The following NALF1 variants were observed in gnomAD, a reference collection of about 807,000 sequenced individuals.
NALF1 encodes family with sequence similarity 155 member A.
In NALF1, 3 loss-of-function variants were observed where a neutral mutation model predicts 48.4. The observed-to-expected ratio is 0.06, with a 90% CI of 0.03 to 0.16. The LOEUF (loss-of-function observed/expected upper bound fraction) is 0.16. Among genes scored for constraint, NALF1 ranks in the 10% least tolerant of loss-of-function variants. The pLI is 1.00. For missense variants in NALF1, 526 were observed against 571.5 expected (o/e 0.92, Z 0.81); for synonymous variants, 262 against 245.7 (o/e 1.07, Z -0.62).
chr13:107,277,003 T>G (rs1881294874), intron 1 of NALF1, among the ~76,000 whole-genome samples: 1 of 152,262 alleles, frequency 6.6e-6, no homozygotes, highest in South Asian at 2.1e-4. Flanking sequence ...AAAATTACCT[T>G]TCTCCTAAAC....
At chr13:107,270,290 A>G (rs529757255) in intron 1 of NALF1, among the ~76,000 whole-genome samples, 1 of 152,298 alleles carries the variant, frequency 6.6e-6, no homozygotes, top group Non-Finnish European at 1.5e-5. Flanking sequence ...GACCAATTTT[A>G]CTGCAATCTC....
At chr13:107,615,542 T>C (rs1019777532) in intron 1 of NALF1, among the ~76,000 whole-genome samples, 42 of 152,290 alleles carry the variant, frequency 2.8e-4, no homozygotes, top group Admixed American at 2.6e-3. Context: ...TGCCAAAATA[T>C]TGATCCCCTT....
At chr13:107,206,519 A>G (rs1879646936) in intron 2 of NALF1, among the ~76,000 whole-genome samples, 1 of 152,246 alleles carries the variant, frequency 6.6e-6, no homozygotes, top group South Asian at 2.1e-4. Flanking sequence ...TAAAGAAATG[A>G]TGCACGAGAT....
chr13:107,723,586 C>T (rs925895841), intron 1 of NALF1, among the ~76,000 whole-genome samples: 2 of 152,124 alleles, frequency 1.3e-5, no homozygotes, highest in African/African-American at 4.8e-5. Context: ...AAGAAAAAGT[C>T]ATCAGGAGAG....
In NALF1 at chr13:107,344,615, G is replaced by A. The variant is rs536764843; in HGVS notation, c.916-133860C>T. On this transcript the variant is annotated intron_variant, in intron 1 of 2. Transcript: ENST00000375915. ...TCTCTATGATGCAGAAAAAGCATTT[G>A]ACAAAATCCAACATGCTTTCATGAT... 3.3e-5 allele frequency among the ~76,000 whole-genome samples: 5 copies of A among 152,184 alleles called. No individual in the cohort carries two copies. The South Asian group carries it at 8.3e-4, about 25-fold the overall frequency.
Position 107,331,011 on chromosome 13 carries a change from C to T in NALF1, c.916-120256G>A, listed in dbSNP as rs542712251. ...TACAGGAATGCAAGATGGCCCAGAA[C>T]ATTAATAAAATAGGTAATAATTGCA... On this transcript the variant is annotated intron_variant, in intron 1 of 2. Coordinates refer to ENST00000375915, the MANE Select transcript of NALF1 (RefSeq NM_001080396.3). Among the ~76,000 whole-genome samples the T allele has an allele frequency of 2.2e-4, 33 of 152,152 alleles. No homozygotes were observed. The South Asian group carries it at 6.8e-3, about 32-fold the overall frequency.
At chr13:107,560,361 T>C (rs768595003) in intron 1 of NALF1, among the ~76,000 whole-genome samples, 1 of 152,062 alleles carries the variant, frequency 6.6e-6, no homozygotes, top group Non-Finnish European at 1.5e-5. Context: ...CTGAATTGAA[T>C]AAAATACCCA....
chr13:107,200,187 C>T (rs572841112), intron 2 of NALF1, among the ~76,000 whole-genome samples: 47 of 152,306 alleles, frequency 3.1e-4, no homozygotes, highest in Admixed American at 2.7e-3. Flanking sequence ...GTGCTCTGGG[C>T]ACACTTGCTC....
At chr13:107,322,453 A>G (rs1279845707) in intron 1 of NALF1, among the ~76,000 whole-genome samples, 1 of 152,150 alleles carries the variant, frequency 6.6e-6, no homozygotes, top group African/African-American at 2.4e-5. Context: ...TCAGTGCTAG[A>G]AATTAACTAT....
At chr13:107,308,357 A>G (rs1297319951) in intron 1 of NALF1, among the ~76,000 whole-genome samples, 2 of 151,650 alleles carry the variant, frequency 1.3e-5, no homozygotes, top group Non-Finnish European at 2.9e-5. Context: ...ACCCGCCACC[A>G]CGCCCGGCTA....
At chr13:107,660,968 G>A (rs1002906260) in intron 1 of NALF1, among the ~76,000 whole-genome samples, 6 of 152,078 alleles carry the variant, frequency 3.9e-5, no homozygotes, top group African/African-American at 1.4e-4. Context: ...AAGTAAGGTT[G>A]CAAATATCAA....
chr13:107,495,676 A>AT (rs951603953), intron 1 of NALF1, among the ~76,000 whole-genome samples: 17 of 152,244 alleles, frequency 1.1e-4, no homozygotes, highest in African/African-American at 3.9e-4. Context: ...ATAAAGCATC[A>AT]TTTTTTTGAA....
chr13:107,499,044 C>G (rs932782295), intron 1 of NALF1, among the ~76,000 whole-genome samples: 3 of 152,048 alleles, frequency 2.0e-5, no homozygotes, highest in African/African-American at 7.2e-5. Context: ...CACAATGCAG[C>G]TTAATGACAA....
At chr13:107,821,668 C>T (rs1247299547) in intron 1 of NALF1, among the ~76,000 whole-genome samples, 1 of 152,144 alleles carries the variant, frequency 6.6e-6, no homozygotes, top group African/African-American at 2.4e-5. Context: ...GGAGATATGA[C>T]AACTAAATGC....
intron 1 of NALF1, among the ~76,000 whole-genome samples, chr13:107,401,023 C>T (rs7328723): frequency 0.031 from 4,687 of 152,194 alleles, 227 homozygotes; most frequent in African/African-American, 0.11. Context: ...AGTAGTGACC[C>T]TTATCCATGG....
intron 1 of NALF1, among the ~76,000 whole-genome samples, chr13:107,670,961 C>T (rs987497370): frequency 5.9e-5 from 9 of 152,044 alleles, no homozygotes; most frequent in African/African-American, 2.2e-4. Context: ...GACAATACAC[C>T]TAGGATCATT....
intron 1 of NALF1, among the ~76,000 whole-genome samples, chr13:107,293,003 T>C (rs1311132294): frequency 6.8e-6 from 1 of 147,344 alleles, no homozygotes; most frequent in Non-Finnish European, 1.5e-5. Context: ...TTTTTTTTTT[T>C]TTTTTTGAGC....
intron 2 of NALF1, among the ~76,000 whole-genome samples, chr13:107,191,730 G>A (rs1296628087): frequency 6.6e-6 from 1 of 151,286 alleles, no homozygotes; most frequent in Non-Finnish European, 1.5e-5. Context: ...TGCAGTGAGT[G>A]GTGCACTGTT....
At chr13:107,526,846 A>C (rs1159761850) in intron 1 of NALF1, among the ~76,000 whole-genome samples, 1 of 152,138 alleles carries the variant, frequency 6.6e-6, no homozygotes, top group African/African-American at 2.4e-5. Flanking sequence ...CTGTTCAGTA[A>C]AGAAATGAGT....
Sources: allele counts gnomAD v4.1 joint callset (sites outside exome capture counted in the v4.1 genomes callset), GRCh38; gene constraint gnomAD v4.1.1; transcripts MANE v1.5; gene names NCBI Gene and HGNC (gene_info 2026-07-23, HGNC 2026-07-21).